RNF122: variants seen among roughly 807,000 people sequenced by gnomAD.
RNF122 encodes ring finger protein 122.
RNF122 carries 17 observed loss-of-function variants against 24.2 expected under a neutral mutation model. That is an observed-to-expected ratio of 0.70 (90% CI 0.48 to 1.06). The LOEUF (loss-of-function observed/expected upper bound fraction) is 1.06. Ranked by LOEUF, RNF122 falls within the 50% of genes least tolerant of loss-of-function variation. The pLI is 0.00. For synonymous variants in RNF122, 65 were observed against 71.8 expected, an observed-to-expected ratio of 0.91 and a Z score of 0.48; for missense variants, 168 against 198.1, an observed-to-expected ratio of 0.85 and a Z score of 0.91.
chr8:33,553,526 C>T (rs1466306201), intron 2 of RNF122, among the ~76,000 whole-genome samples: 2 of 151,748 alleles, frequency 1.3e-5, no homozygotes, highest in Admixed American at 1.3e-4. Context: ...GCTAGGATTG[C>T]CCCCACTGCA....
chr8:33,557,056 ATCT>A (rs1200475002), intron 2 of RNF122, among the ~76,000 whole-genome samples: 1 of 152,128 alleles, frequency 6.6e-6, no homozygotes, highest in Non-Finnish European at 1.5e-5. Context: ...TCTTAATTTA[ATCT>A]TCTTAAATTA....
At chr8:33,556,072 C>T (rs999120091) in intron 2 of RNF122, among the ~76,000 whole-genome samples, 1 of 147,864 alleles carries the variant, frequency 6.8e-6, no homozygotes, top group African/African-American at 2.5e-5. Flanking sequence ...CACCTGTACT[C>T]GGGAGACTGA....
At chr8:33,563,292 T>C (rs984030341) in intron 1 of RNF122, among the ~76,000 whole-genome samples, 2 of 152,160 alleles carry the variant, frequency 1.3e-5, no homozygotes, top group Non-Finnish European at 2.9e-5. Flanking sequence ...AACCTCCCAC[T>C]TCAAAGCAGC....
rs1203909730 is a variant in RNF122, at chr8:33,566,870, C to T, written c.-147G>A. 2 of 837,796 alleles carry T rather than the reference C, an allele frequency of 2.4e-6. No individual in the cohort carries two copies. Among genetic ancestry groups the T allele is most frequent in the African/African-American group, 1.7e-5 (1 of 59,218 alleles). 51.9% of individuals were successfully genotyped at this position (837,796 alleles called of 1,614,324 possible). A position where few individuals can be genotyped will look rare whatever the true frequency, so the allele number is the denominator to read the frequency against. On this transcript the variant is annotated 5_prime_UTR_variant, in exon 1 of 6. Transcript: ENST00000256257. ...CCCTGCTGGAGAAGCCGAACTCCCTCCGGAGTGGGGGGCTTTGACGAGGCT... is the reference window on the plus strand; with the variant it reads ...CCCTGCTGGAGAAGCCGAACTCCCTTCGGAGTGGGGGGCTTTGACGAGGCT...
chr8:33,566,948 A>C lies in RNF122; in HGVS notation c.-225T>G. On this transcript the variant is annotated 5_prime_UTR_variant, in exon 1 of 6. Transcript: ENST00000256257. ...GGAGGAAACAAACAAAGTCCCGCGG[A>C]GCACAGCCGCACGGAGCGCACGCGC... 1.7e-6 allele frequency: 1 copy of C among 577,178 alleles called. No homozygotes were observed. Among genetic ancestry groups the C allele is most frequent in the East Asian group, 3.1e-5 (1 of 32,546 alleles). The allele number at this position is 577,178 out of a possible 1,614,324, so 35.8% of individuals were successfully genotyped here.
At chr8:33,558,818 C>A in intron 1 of RNF122, 47 bp from the exon 2 acceptor site, 15 of 1,468,900 alleles carry the variant, frequency 1.0e-5, no homozygotes, top group Non-Finnish European at 1.4e-5. Flanking sequence ...AAATTTACTG[C>A]TGGGCTGATA....
intron 1 of RNF122, among the ~76,000 whole-genome samples, chr8:33,562,662 G>A (rs1488762036): frequency 6.6e-6 from 1 of 151,984 alleles, no homozygotes; most frequent in Non-Finnish European, 1.5e-5. Flanking sequence ...AGTGACTCAC[G>A]CCTGTAATCC....
chr8:33,566,464 C>G (rs1007079806), intron 1 of RNF122, among the ~76,000 whole-genome samples: 2 of 152,180 alleles, frequency 1.3e-5, no homozygotes, highest in Non-Finnish European at 2.9e-5. Context: ...GCTCCCACGC[C>G]CCCGGCCCGC....
At chr8:33,558,884 A>C in intron 1 of RNF122, 113 bp from the exon 2 acceptor site, 2 of 687,102 alleles carry the variant, frequency 2.9e-6, no homozygotes, top group Non-Finnish European at 2.3e-6. Context: ...TAAGCCTCAG[A>C]TTCAGTGGCT....
At chr8:33,562,730 C>G (rs528359719) in intron 1 of RNF122, among the ~76,000 whole-genome samples, 85 of 151,924 alleles carry the variant, frequency 5.6e-4, no homozygotes, top group African/African-American at 1.8e-3. Context: ...TCAAGACCAA[C>G]CTGGCTAACA....
chr8:33,549,934 T>G (rs995792095), intron 4 of RNF122, among the ~76,000 whole-genome samples: 8 of 151,322 alleles, frequency 5.3e-5, no homozygotes, highest in Non-Finnish European at 1.5e-5. Context: ...TGATCAGTTA[T>G]GTTTTTTTTT....
At chr8:33,558,956 C>G (rs764460050) in intron 1 of RNF122, among the ~76,000 whole-genome samples, 185 bp from the exon 2 acceptor site, 36 of 152,138 alleles carry the variant, frequency 2.4e-4, no homozygotes, top group Admixed American at 7.9e-4. Flanking sequence ...ATCTGATCTA[C>G]AAAATTGAAT....
chr8:33,551,110 G>A (rs750436807), intron 3 of RNF122, 25 bp from the exon 4 acceptor site: 3 of 1,613,680 alleles, frequency 1.9e-6, no homozygotes, highest in East Asian at 4.5e-5. Context: ...GAGGCATGAT[G>A]TCCAAAGAAG....
chr8:33,557,052 T>C (rs1810463450), intron 2 of RNF122, among the ~76,000 whole-genome samples: 1 of 151,184 alleles, frequency 6.6e-6, no homozygotes, highest in Non-Finnish European at 1.5e-5. Context: ...TTAATCTTAA[T>C]TTAATCTTCT....
Position 33,566,827 on chromosome 8 carries a change from G to A in RNF122, c.-104C>T. The A allele has an allele frequency of 2.2e-6, 3 of 1,334,826 alleles. No homozygotes were observed. The highest frequency in any genetic ancestry group is 2.9e-5 in the African/African-American group (2 of 69,148). 82.7% of individuals were successfully genotyped at this position (1,334,826 alleles called of 1,614,324 possible). A position where few individuals can be genotyped will look rare whatever the true frequency, so the allele number is the denominator to read the frequency against. On this transcript the variant is annotated 5_prime_UTR_variant, in exon 1 of 6. Transcript: ENST00000256257. Reference sequence around the variant, plus strand: ...CGTGAGGGGCCGCAGGCGGGGTCGGGGCAGCGCGCTGCAGCCGCCCTGCTG... The same window carrying A: ...CGTGAGGGGCCGCAGGCGGGGTCGGAGCAGCGCGCTGCAGCCGCCCTGCTG...
chr8:33,558,299 C>T (rs1376654804), intron 2 of RNF122, among the ~76,000 whole-genome samples: 4 of 152,160 alleles, frequency 2.6e-5, no homozygotes. Context: ...GACAGACAGA[C>T]AAGGAAGGGA....
rs762582712 is a variant in RNF122 at position 33,566,756 on chromosome 8, C to T, written c.-33G>A. The T allele has an allele frequency of 8.1e-6, 13 of 1,595,882 alleles. No individual in the cohort carries two copies. Among genetic ancestry groups the T allele is most frequent in the Middle Eastern group, 1.7e-4 (1 of 6,038 alleles). On this transcript the variant is annotated 5_prime_UTR_variant, in exon 1 of 6. Transcript: ENST00000256257. ...GTCGCGGTTGGCTTCCTCGGGCGAA[C>T]GGACGCAGGCGGGGTGCCAGGAGGG...
At chr8:33,562,450 G>T (rs1357975979) in intron 1 of RNF122, among the ~76,000 whole-genome samples, 1 of 150,914 alleles carries the variant, frequency 6.6e-6, no homozygotes, top group Non-Finnish European at 1.5e-5. Context: ...GCTGAGATGG[G>T]AGAATCACTT....
At chr8:33,548,908 C>G in intron 5 of RNF122, 41 bp from the exon 6 acceptor site, 1 of 1,317,014 alleles carries the variant, frequency 7.6e-7, no homozygotes, top group Non-Finnish European at 1.1e-6. Flanking sequence ...ACCAGACAGA[C>G]CACGCTGCTC....
Sources: allele counts gnomAD v4.1 joint callset (sites outside exome capture counted in the v4.1 genomes callset), GRCh38; gene constraint gnomAD v4.1.1; transcripts MANE v1.5; gene names NCBI Gene and HGNC (gene_info 2026-07-23, HGNC 2026-07-21).